The following NOX4 variants were observed in gnomAD, a reference collection of about 807,000 sequenced individuals.
NOX4 encodes NADPH oxidase 4.
NOX4 carries 69 observed loss-of-function variants against 87.6 expected under a neutral mutation model. The observed-to-expected ratio is 0.79, with a 90% CI of 0.65 to 0.96. The LOEUF (loss-of-function observed/expected upper bound fraction) is 0.96. NOX4 is among the 40% of genes least tolerant of loss of function. The pLI, the probability that NOX4 is intolerant of heterozygous loss-of-function variation, is 0.00. For synonymous variants in NOX4, 275 were observed against 238.2 expected, an observed-to-expected ratio of 1.15 and a Z score of -1.42; for missense variants, 680 against 681.5, an observed-to-expected ratio of 1.00 and a Z score of 0.02.
intron 8 of NOX4, among the ~76,000 whole-genome samples, chr11:89,410,599 A>C (rs1196689485): frequency 6.6e-6 from 1 of 152,154 alleles, no homozygotes; most frequent in African/African-American, 2.4e-5. Flanking sequence ...GGGAGAAGAG[A>C]ACTCAGTGTT....
At chr11:89,518,118 T>C in the NOX4 span, among the ~76,000 whole-genome samples, 1 of 152,138 alleles carries the variant, frequency 6.6e-6, no homozygotes, top group East Asian at 1.9e-4. Flanking sequence ...TTTTCAACTT[T>C]GAAAAACATT....
At chr11:89,566,874 T>C in the NOX4 span, among the ~76,000 whole-genome samples, 3 of 152,152 alleles carry the variant, frequency 2.0e-5, no homozygotes, top group Non-Finnish European at 4.4e-5. Flanking sequence ...GGACTTACCA[T>C]GGACCTCTAG....
At chr11:89,539,399 T>G in the NOX4 span, among the ~76,000 whole-genome samples, 1 of 151,928 alleles carries the variant, frequency 6.6e-6, no homozygotes, top group Non-Finnish European at 1.5e-5. Flanking sequence ...ACCACTGCAC[T>G]CCAGCTTGGG....
chr11:89,506,323 GA>G, the NOX4 span, among the ~76,000 whole-genome samples: 1 of 146,150 alleles, frequency 6.8e-6, no homozygotes, highest in Non-Finnish European at 1.5e-5. Context: ...GAAAGAAAGA[GA>G]AAAAAGGAAA....
chr11:89,339,458 T>C lies in NOX4; in HGVS notation c.1446+605A>G, dbSNP rs1344120553. On this transcript the variant is annotated intron_variant, in intron 15 of 17. Transcript: ENST00000263317. ...GGTAGTAAGAGAGGATTTTACTTTA[T>C]CAGAATTGTTTGAAATATTTGTAGC... is the stretch of plus-strand genomic sequence containing the variant. Among the ~76,000 whole-genome samples, 3 of 152,198 alleles carry C rather than the reference T, an allele frequency of 2.0e-5. No individual in the cohort carries two copies. The East Asian group carries it at 5.8e-4, about 29-fold the overall frequency.
the NOX4 span, among the ~76,000 whole-genome samples, chr11:89,541,860 C>T: frequency 0.27 from 41,770 of 152,086 alleles, 5,892 homozygotes; most frequent in Non-Finnish European, 0.31. Flanking sequence ...CACTATGTCA[C>T]CCAGGCTAGA....
At chr11:89,382,791 C>T (rs1376808691) in intron 11 of NOX4, among the ~76,000 whole-genome samples, 1 of 152,040 alleles carries the variant, frequency 6.6e-6, no homozygotes, top group Non-Finnish European at 1.5e-5. Flanking sequence ...CCCCACCTGC[C>T]CAATAATTTC....
upstream of NOX4, among the ~76,000 whole-genome samples, chr11:89,493,715 G>A (rs890595697): frequency 6.4e-5 from 7 of 109,530 alleles, no homozygotes; most frequent in Non-Finnish European, 1.3e-4. Context: ...CTCTAAGCCA[G>A]ATTGTTTTAT....
chr11:89,369,416 A>G (rs1257432151), intron 12 of NOX4, among the ~76,000 whole-genome samples: 2 of 152,100 alleles, frequency 1.3e-5, no homozygotes, highest in East Asian at 3.9e-4. Flanking sequence ...ACCAAAACAC[A>G]ATCTCTATAA....
chr11:89,576,611 G>T, the NOX4 span, among the ~76,000 whole-genome samples: 3 of 152,054 alleles, frequency 2.0e-5, no homozygotes, highest in African/African-American at 7.2e-5. Context: ...TATAGTTAAT[G>T]CCAAGGGGAC....
At chr11:89,564,291 A>G in the NOX4 span, among the ~76,000 whole-genome samples, 1 of 152,148 alleles carries the variant, frequency 6.6e-6, no homozygotes, top group Admixed American at 6.5e-5. Context: ...AGGCCTCAGG[A>G]AAATTACAAT....
intron 13 of NOX4, among the ~76,000 whole-genome samples, chr11:89,346,959 C>A (rs1565182414): frequency 6.6e-6 from 1 of 152,168 alleles, no homozygotes; most frequent in Non-Finnish European, 1.5e-5. Flanking sequence ...TTGCAAACAT[C>A]AGTAGCATTA....
the NOX4 span, among the ~76,000 whole-genome samples, chr11:89,510,169 C>A: frequency 6.6e-6 from 1 of 152,074 alleles, no homozygotes; most frequent in Non-Finnish European, 1.5e-5. Context: ...AAAGTGATAG[C>A]ACTTTCAAGC....
At chr11:89,414,894 AT>A (rs887062523) in intron 8 of NOX4, among the ~76,000 whole-genome samples, 3 of 151,918 alleles carry the variant, frequency 2.0e-5, no homozygotes, top group African/African-American at 7.2e-5. Context: ...GAATAGAAAA[AT>A]ATATCCTAGA....
chr11:89,486,908 T>C (rs1272093224), intron 2 of NOX4, among the ~76,000 whole-genome samples: 1 of 151,950 alleles, frequency 6.6e-6, no homozygotes, highest in Admixed American at 6.6e-5. Context: ...GGACTACCCA[T>C]GTCCTGATGT....
chr11:89,509,196 T>A, the NOX4 span, among the ~76,000 whole-genome samples: 1 of 152,064 alleles, frequency 6.6e-6, no homozygotes. Context: ...CAGAATTGCA[T>A]GGCCAAAATA....
chr11:89,528,901 G>A, the NOX4 span, among the ~76,000 whole-genome samples: 1 of 152,118 alleles, frequency 6.6e-6, no homozygotes, highest in East Asian at 1.9e-4. Context: ...AATTATGCTG[G>A]ATACTATTAT....
At chr11:89,572,536 T>C in the NOX4 span, among the ~76,000 whole-genome samples, 1 of 152,060 alleles carries the variant, frequency 6.6e-6, no homozygotes, top group Admixed American at 6.6e-5. Flanking sequence ...TTTTTGTTTG[T>C]TTGTTTGTTT....
intron 2 of NOX4, among the ~76,000 whole-genome samples, chr11:89,454,285 G>A (rs1352967653): frequency 2.0e-5 from 3 of 151,532 alleles, no homozygotes; most frequent in Non-Finnish European, 2.9e-5. Context: ...TTAATTATCT[G>A]TTTATCAATC....
Sources: gnomAD v4.1 joint callset for allele counts (sites outside exome capture counted in the v4.1 genomes callset) on GRCh38, gnomAD v4.1.1 for gene constraint, MANE v1.5 for transcripts, NCBI Gene and HGNC (gene_info 2026-07-23, HGNC 2026-07-21) for gene names.